The following MICAL3 variants were observed in gnomAD, a reference collection of about 807,000 sequenced individuals.
MICAL3 encodes the protein [F-actin]-monooxygenase MICAL3.
A neutral mutation model predicts 207.4 loss-of-function variants in MICAL3; 62 were observed. That is an observed-to-expected ratio of 0.30 (90% CI 0.24 to 0.37). The LOEUF (loss-of-function observed/expected upper bound fraction) is 0.37. Among genes scored for constraint, MICAL3 ranks in the 10% least tolerant of loss-of-function variants. MICAL3 has a pLI of 1.00. For missense variants in MICAL3, 2,368 were observed against 2,635.6 expected (o/e 0.90, Z 2.22); for synonymous variants, 1,077 against 1,069.3 (o/e 1.01, Z -0.14).
At position 17,818,590 on chromosome 22, in the gene MICAL3, G is replaced by A; in HGVS notation, c.4071C>T (p.Ala1357=). 1.2e-6 allele frequency: 2 copies of A among 1,613,670 alleles called. No individual in the cohort carries two copies. The highest frequency in any genetic ancestry group is 1.7e-6 in the Non-Finnish European group (2 of 1,179,892). The change falls in exon 26 of 32, where the codon GCC becomes GCT. Residue 1357 remains alanine (A), a synonymous_variant. Transcript: ENST00000441493. ...AGGATTTGAGGGACACTGGCCTGAA[G>A]GCAGGCGTGGGGAAGCTGGGCTCGG... The part of the protein sequence containing the change: ...KGPEPSFPTP[A]FRPVSLKSYS...
At chr22:17,948,673 C>A (rs1934187344) in intron 1 of MICAL3, among the ~76,000 whole-genome samples, 2 of 152,090 alleles carry the variant, frequency 1.3e-5, no homozygotes. Flanking sequence ...GAGGCTGAGG[C>A]TGGTGGATCT....
chr22:17,881,439 GGCA>G (rs1929423297), intron 16 of MICAL3: 2 of 689,350 alleles, frequency 2.9e-6, no homozygotes, highest in African/African-American at 1.8e-5. Flanking sequence ...ATCCTCAGAG[GGCA>G]GCCCAGTGGT....
chr22:17,965,394 G>A (rs1332215013), intron 1 of MICAL3, among the ~76,000 whole-genome samples: 1 of 152,158 alleles, frequency 6.6e-6, no homozygotes, highest in Non-Finnish European at 1.5e-5. Context: ...ACAATGATTA[G>A]AGACCATTTC....
chr22:17,878,542 G>A (rs1929109283), intron 16 of MICAL3, among the ~76,000 whole-genome samples: 1 of 152,166 alleles, frequency 6.6e-6, no homozygotes. Flanking sequence ...TTACTGCTTG[G>A]CCATAACTGC....
rs2061874181 is a variant in MICAL3, at chr22:17,796,141, A to C, written c.5651-4840T>G. ...GGCCACCCCTCCTGAGCTCCCGAGC[A>C]GTGAGCGGGTCCTGGTCAGAGGACC... On this transcript the variant is annotated intron_variant, in intron 29 of 31. Coordinates refer to ENST00000441493, the MANE Select transcript of MICAL3 (RefSeq NM_015241.3). The surrounding 1 kb of genome is among the most constrained non-coding windows in gnomAD (Gnocchi z 4.4). 6.6e-6 allele frequency among the ~76,000 whole-genome samples: 1 copy of C among 152,230 alleles called. No homozygotes were observed. Among genetic ancestry groups the C allele is most frequent in the Non-Finnish European group, 1.5e-5 (1 of 68,034 alleles).
intron 1 of MICAL3, among the ~76,000 whole-genome samples, chr22:17,998,705 C>T (rs574633280): frequency 8.9e-4 from 135 of 152,064 alleles, no homozygotes; most frequent in African/African-American, 3.1e-3. Context: ...GGATTACAGG[C>T]GCGCACCACC....
intron 2 of MICAL3, 30 bp from the exon 3 acceptor site, chr22:17,904,869 C>T (rs746713703): frequency 2.1e-5 from 31 of 1,511,092 alleles, no homozygotes; most frequent in African/African-American, 5.5e-5. Flanking sequence ...TCAGGGCAGG[C>T]GGCACTTCCA....
chr22:17,821,525 A>C lies in MICAL3; in HGVS notation c.3449-16T>G. On this transcript the variant is annotated splice_polypyrimidine_tract_variant and intron_variant, in intron 24 of 31. Transcript: ENST00000441493. ...TGGGAGGGACCTGAAAAGAATGAAC[A>C]CAGGGACTTACAAGAGGAAGCCCCC... The C allele has an allele frequency of 5.2e-6, 8 of 1,527,290 alleles. No homozygotes were observed. The highest frequency in any genetic ancestry group is 2.4e-5 in the South Asian group (2 of 81,832). 94.6% of individuals were successfully genotyped at this position (1,527,290 alleles called of 1,614,324 possible).
In MICAL3 at chr22:17,910,786, C is replaced by T. The variant is rs9617638; in HGVS notation, c.-74-3900G>A. ...CATTCTCCTTGGCTCTGACAACAGC[C>T]GGGAAGCACAGCAGAGCAGGGCTAT... is the stretch of plus-strand genomic sequence containing the variant. On this transcript the variant is annotated intron_variant, in intron 1 of 31. Transcript: ENST00000441493. 4.0e-3 allele frequency among the ~76,000 whole-genome samples: 612 copies of T among 152,292 alleles called. 5 individuals are homozygous for T. The highest frequency in any genetic ancestry group is 0.014 in the African/African-American group (595 of 41,558).
chr22:17,865,029 G>A (rs1233087497), intron 18 of MICAL3, 43 bp from the exon 19 acceptor site: 2 of 1,564,348 alleles, frequency 1.3e-6, no homozygotes, highest in Non-Finnish European at 1.7e-6. Flanking sequence ...TCTGACTGAT[G>A]CACTCAAATC....
chr22:17,814,739 C>T (rs1476661280), intron 27 of MICAL3: 4 of 151,878 alleles, frequency 2.6e-5, no homozygotes, highest in Admixed American at 1.3e-4. Flanking sequence ...CTAGCCTGGC[C>T]GTCCCGTAGG....
chr22:17,850,303 G>A (rs937972579), intron 19 of MICAL3, among the ~76,000 whole-genome samples: 3 of 151,624 alleles, frequency 2.0e-5, no homozygotes, highest in Admixed American at 2.0e-4. Flanking sequence ...GGACACCCCT[G>A]CAGTGAGGAC....
chr22:17,959,010 G>GTT (rs34107784), intron 1 of MICAL3, among the ~76,000 whole-genome samples: 15,033 of 85,762 alleles, frequency 0.18, 1,523 homozygotes, highest in East Asian at 0.32. Flanking sequence ...CGGGCCTGGG[G>GTT]TTTTTTTTTT....
intron 16 of MICAL3, among the ~76,000 whole-genome samples, chr22:17,883,177 G>A (rs888836471): frequency 1.3e-5 from 2 of 152,060 alleles, no homozygotes; most frequent in South Asian, 2.1e-4. Flanking sequence ...CAAGGCAAAG[G>A]TTAAGAAAAT....
intron 1 of MICAL3, among the ~76,000 whole-genome samples, chr22:17,991,859 G>T (rs1045515215): frequency 6.6e-5 from 10 of 152,222 alleles, no homozygotes; most frequent in Middle Eastern, 3.4e-3. Flanking sequence ...TGGAGGAATG[G>T]GGGGCTCGCT....
intron 20 of MICAL3, among the ~76,000 whole-genome samples, chr22:17,836,833 G>C (rs554510040): frequency 2.6e-5 from 4 of 152,096 alleles, no homozygotes; most frequent in Non-Finnish European, 5.9e-5. Context: ...TTTTAGTAGA[G>C]ACGGGGTTTC....
rs1934619191 is a variant in MICAL3, at chr22:17,956,474, A to G, written c.-74-49588T>C. Among the ~76,000 whole-genome samples the G allele has an allele frequency of 1.3e-5, 2 of 152,202 alleles. 1 individual carries two copies. Among genetic ancestry groups the G allele is most frequent in the Non-Finnish European group, 2.9e-5 (2 of 68,026 alleles). On this transcript the variant is annotated intron_variant, in intron 1 of 31. Transcript: ENST00000441493. ...CTCCTGAGGTCAGGAGTTCGAGATC[A>G]GCCTGACAAACATGGAGAAACCCCG...
chr22:17,834,178 G>A lies in MICAL3; in HGVS notation c.2802-2071C>T, dbSNP rs961171242. 9 of 940,088 alleles carry A rather than the reference G, an allele frequency of 9.6e-6. No homozygotes were observed. In the African/African-American group the frequency reaches 1.4e-4, roughly 15 times the overall value. The allele number at this position is 940,088 out of a possible 1,614,324, so 58.2% of individuals were successfully genotyped here. ...ACACCAGCTCTGCTACTGGCTGGCTGTGTGACTGTGAGTTGATTATTTGTG... is the reference window on the plus strand; with the variant it reads ...ACACCAGCTCTGCTACTGGCTGGCTATGTGACTGTGAGTTGATTATTTGTG... On this transcript the variant is annotated intron_variant, in intron 20 of 31. Coordinates refer to ENST00000441493, the MANE Select transcript of MICAL3 (RefSeq NM_015241.3).
intron 16 of MICAL3, 46 bp downstream of exon 16, chr22:17,885,832 T>A (rs1929820942): frequency 1.3e-6 from 2 of 1,582,616 alleles, no homozygotes; most frequent in African/African-American, 2.7e-5. Context: ...CCCCTTCTTG[T>A]GTGATCTGAC....
Sources: gnomAD v4.1 joint callset for allele counts (sites outside exome capture counted in the v4.1 genomes callset) on GRCh38, gnomAD v4.1.1 for gene constraint, Gnocchi (gnomAD v3.1) non-coding constraint, MANE v1.5 for transcripts, NCBI Gene and HGNC (gene_info 2026-07-23, HGNC 2026-07-21) for gene names.